MIA2: variants seen among roughly 807,000 people sequenced by gnomAD.
MIA2 encodes the protein melanoma inhibitory activity protein 2.
Under a neutral mutation model 167.8 loss-of-function variants are expected in MIA2, and 127 were observed. The observed-to-expected ratio is 0.76, with a 90% CI of 0.66 to 0.88. The LOEUF is 0.88. MIA2 is among the 40% of genes least tolerant of loss of function. MIA2 has a pLI of 0.00. For missense variants in MIA2, 1,690 were observed against 1,624.7 expected (o/e 1.04, Z -0.69); for synonymous variants, 552 against 541.9 (o/e 1.02, Z -0.26).
At chr14:39,316,128 T>C (rs1186729543) in intron 21 of MIA2, among the ~76,000 whole-genome samples, 1 of 152,226 alleles carries the variant, frequency 6.6e-6, no homozygotes, top group East Asian at 1.9e-4. Flanking sequence ...CTAAAAGTCA[T>C]AAAATTCAGT....
rs544531825 is a variant in MIA2 at position 39,323,054 on chromosome 14, A to T, written c.3496+1998A>T. On this transcript the variant is annotated intron_variant, in intron 24 of 28. Transcript: ENST00000640607. ...ATCTCAGGAAGTCTGTGTACTTGTTAGTTGAAGCTGCCATTACTCCACATA... is the reference window on the plus strand; with the variant it reads ...ATCTCAGGAAGTCTGTGTACTTGTTTGTTGAAGCTGCCATTACTCCACATA... Among the ~76,000 whole-genome samples, 7 of 152,342 alleles carry T rather than the reference A, an allele frequency of 4.6e-5. No homozygotes were observed. In the South Asian group the frequency reaches 8.3e-4, roughly 18 times the overall value.
chr14:39,307,602 G>C (rs2063567371), intron 17 of MIA2, among the ~76,000 whole-genome samples: 1 of 151,950 alleles, frequency 6.6e-6, no homozygotes, highest in Non-Finnish European at 1.5e-5. Flanking sequence ...GTTTTGCCAT[G>C]TTGGCCAGGC....
intron 11 of MIA2, 71 bp downstream of exon 11, chr14:39,293,452 C>G: frequency 9.6e-7 from 1 of 1,039,916 alleles, no homozygotes; most frequent in Non-Finnish European, 1.4e-6. Flanking sequence ...TAATATGATA[C>G]TGGTTAAAGT....
chr14:39,306,950 T>C (rs965765413), intron 17 of MIA2, among the ~76,000 whole-genome samples: 5 of 152,220 alleles, frequency 3.3e-5, no homozygotes, highest in African/African-American at 7.2e-5. Flanking sequence ...AAAGCATTCA[T>C]AATTATTTAG....
chr14:39,334,667 A>G (rs1178982019), intron 25 of MIA2, among the ~76,000 whole-genome samples: 1 of 150,894 alleles, frequency 6.6e-6, no homozygotes, highest in Non-Finnish European at 1.5e-5. Context: ...CCCGGGTTCA[A>G]GCGATTCTCC....
chr14:39,280,510 AT>A (rs2058752125), intron 9 of MIA2, among the ~76,000 whole-genome samples: 1 of 152,088 alleles, frequency 6.6e-6, no homozygotes. Flanking sequence ...AGGCGGGCAA[AT>A]CACGAGGTCA....
At chr14:39,356,021 T>C (rs528286150), downstream of MIA2, among the ~76,000 whole-genome samples, 4 of 152,200 alleles carry the variant, frequency 2.6e-5, no homozygotes, top group African/African-American at 9.7e-5. Context: ...TCTCTTTTTT[T>C]GTTGTGTCTC....
chr14:39,294,254 G>A (rs190478612), intron 12 of MIA2, among the ~76,000 whole-genome samples, 183 bp downstream of exon 12: 4 of 151,696 alleles, frequency 2.6e-5, no homozygotes, highest in African/African-American at 7.3e-5. Flanking sequence ...CTGGAGTATA[G>A]CAGCACGATC....
chr14:39,337,993 G>T lies in MIA2; in HGVS notation c.3656-7911G>T, dbSNP rs545512248. ...CCACCTCGGCCTCCCAAAGTGCTGG[G>T]ATTACAGGCGTGAGCCACTGTGCCC... is the stretch of plus-strand genomic sequence containing the variant. On this transcript the variant is annotated intron_variant, in intron 25 of 28. Transcript: ENST00000640607. 2.6e-5 allele frequency among the ~76,000 whole-genome samples: 4 copies of T among 152,290 alleles called. No homozygotes were observed. The South Asian group carries it at 8.3e-4, about 32-fold the overall frequency.
At chr14:39,260,122 G>C (rs2055022626) in intron 6 of MIA2, among the ~76,000 whole-genome samples, 1 of 152,098 alleles carries the variant, frequency 6.6e-6, no homozygotes, top group Admixed American at 6.6e-5. Flanking sequence ...TGGACATTTG[G>C]GTTGGTTCCA....
At chr14:39,274,308 G>A (rs2057603177) in intron 6 of MIA2, among the ~76,000 whole-genome samples, 1 of 151,924 alleles carries the variant, frequency 6.6e-6, no homozygotes, top group Non-Finnish European at 1.5e-5. Context: ...TGTGAGATAG[G>A]GTGTTATGTT....
chr14:39,313,366 G>A lies in MIA2; in HGVS notation c.3044G>A (p.Arg1015Gln), dbSNP rs547480162. 1.0e-4 allele frequency: 159 copies of A among 1,595,686 alleles called. No homozygotes were observed. Among genetic ancestry groups the A allele is most frequent in the Non-Finnish European group, 1.2e-4 (143 of 1,170,620 alleles). ...AAATTAACAGTAGAGGAAAATTATC[G>A]GTTAGAGAAAGAAGAGAAACTTTCT... The part of the protein sequence containing the change: ...HRKLTVEENY[R>Q]LEKEEKLSKV... The change falls in exon 19 of 29, where the codon CGG becomes CAG. Residue 1015 changes from arginine (R) to glutamine (Q), a missense_variant. Transcript: ENST00000640607.
chr14:39,310,097 G>C (rs573192882), intron 18 of MIA2, among the ~76,000 whole-genome samples: 5 of 152,190 alleles, frequency 3.3e-5, no homozygotes, highest in African/African-American at 1.2e-4. Context: ...TTGTAAATCA[G>C]ATCAGTACAT....
At chr14:39,354,168 T>C (rs910302485), downstream of MIA2, among the ~76,000 whole-genome samples, 7 of 152,254 alleles carry the variant, frequency 4.6e-5, no homozygotes, top group African/African-American at 1.7e-4. Flanking sequence ...TGAACTAGTT[T>C]ACAGTCCCAC....
At position 39,308,141 on chromosome 14, in the gene MIA2, A is replaced by G. The variant is rs117780304; in HGVS notation, c.2879-308A>G. Among the ~76,000 whole-genome samples the G allele has an allele frequency of 4.6e-3, 699 of 152,240 alleles. 3 individuals carry two copies. Among genetic ancestry groups the G allele is most frequent in the Non-Finnish European group, 7.4e-3 (506 of 68,002 alleles). On this transcript the variant is annotated intron_variant, in intron 17 of 28. Coordinates refer to ENST00000640607, the MANE Select transcript of MIA2 (RefSeq NM_001329214.4). ...CTAGAAGAGAGGATTTTGAATGTTC[A>G]TAACATAAAGAAATGACAAATGTTA...
At chr14:39,364,106 T>C (rs946154971) in intron 23 of MIA2, among the ~76,000 whole-genome samples, 2 of 152,174 alleles carry the variant, frequency 1.3e-5, no homozygotes, top group Non-Finnish European at 2.9e-5. Context: ...ATGCCTGTAA[T>C]CCCAGCACTT....
intron 13 of MIA2, among the ~76,000 whole-genome samples, chr14:39,298,413 T>TTTTTTATATATATATATATATATATATA: frequency 3.8e-5 from 1 of 26,148 alleles, no homozygotes; most frequent in Admixed American, 3.8e-4. Flanking sequence ...TGATTCTGTT[T>TTTTTTATATATATATATATATATATATA]TATATATATA....
Position 39,314,838 on chromosome 14 carries a change from A to ATGTGTGTG in MIA2, c.3180+40_3180+41insGTGTGTGT. On this transcript the variant is annotated intron_variant, in intron 20 of 28. Coordinates refer to ENST00000640607, the MANE Select transcript of MIA2 (RefSeq NM_001329214.4). The stretch of plus-strand genomic sequence containing the variant: ...TGTGTGTGTGTGTGTGTGTGTGTGT[A>ATGTGTGTG]TATATATATAATTTAAAACAATTCT... 3 of 834,064 alleles carry ATGTGTGTG rather than the reference A, an allele frequency of 3.6e-6. 1 individual carries two copies. Among genetic ancestry groups the ATGTGTGTG allele is most frequent in the Non-Finnish European group, 5.2e-6 (3 of 577,598 alleles). 51.7% of individuals were successfully genotyped at this position (834,064 alleles called of 1,614,324 possible). A position where few individuals can be genotyped will look rare whatever the true frequency, so the allele number is the denominator to read the frequency against.
chr14:39,348,752 G>A lies in MIA2; in HGVS notation c.3847G>A (p.Val1283Met), dbSNP rs999158777. 6.2e-7 allele frequency: 1 copy of A among 1,613,750 alleles called. No homozygotes were observed. The highest frequency in any genetic ancestry group is 1.3e-5 in the African/African-American group (1 of 74,902). ...TGTCAATTTGTTGTAGAATTTAAAT[G>A]TGCCTGATTCATCTCTCCCTGCTGA... ...DTKDDLGNLN[V>M]PDSSLPAENE... The change falls in exon 28 of 29, where the codon GTG becomes ATG. Residue 1283 changes from valine (V) to methionine (M), a missense_variant. Val to Met is a conservative substitution (Grantham distance 21, BLOSUM62 1). Transcript: ENST00000640607.
Sources: gnomAD v4.1 joint callset for allele counts (sites outside exome capture counted in the v4.1 genomes callset) on GRCh38, gnomAD v4.1.1 for gene constraint, MANE v1.5 for transcripts, NCBI Gene and HGNC (gene_info 2026-07-23, HGNC 2026-07-21) for gene names.